The following GPR89B variants were observed in gnomAD, a reference collection of about 807,000 sequenced individuals.
GPR89B encodes golgi pH regulator B, also known as G protein-coupled receptor 89B.
A neutral mutation model predicts 52.4 loss-of-function variants in GPR89B; 25 were observed. The observed-to-expected ratio is 0.48, with a 90% CI of 0.35 to 0.67. The LOEUF is 0.67. Ranked by LOEUF, GPR89B falls within the 30% of genes least tolerant of loss-of-function variation. The pLI is 0.01. For synonymous variants in GPR89B, 52 were observed against 151.2 expected, an observed-to-expected ratio of 0.34 and a Z score of 4.81; for missense variants, 146 against 450.2, an observed-to-expected ratio of 0.32 and a Z score of 6.11.
At chr1:148,019,424 G>A in the GPR89B span, among the ~76,000 whole-genome samples, 1 of 151,710 alleles carries the variant, frequency 6.6e-6, no homozygotes, top group Non-Finnish European at 1.5e-5. Context: ...GCCTGTTGGA[G>A]GGTGGGGGTT....
At chr1:147,955,193 T>C (rs1334971026) in intron 7 of GPR89B, among the ~76,000 whole-genome samples, 1 of 151,844 alleles carries the variant, frequency 6.6e-6, no homozygotes, top group African/African-American at 2.4e-5. Context: ...TTTGCTAGCA[T>C]AGTGCTCTCC....
the GPR89B span, among the ~76,000 whole-genome samples, chr1:148,008,791 G>C: frequency 2.0e-5 from 3 of 152,152 alleles, no homozygotes; most frequent in Non-Finnish European, 4.4e-5. Flanking sequence ...AGCTGCAGCT[G>C]AGGATACTAT....
intron 5 of GPR89B, among the ~76,000 whole-genome samples, chr1:147,946,547 GAC>G (rs1385750679): frequency 6.6e-6 from 1 of 152,092 alleles, no homozygotes; most frequent in African/African-American, 2.4e-5. Flanking sequence ...CCCACAGACA[GAC>G]ACATTTATCT....
the GPR89B span, chr1:148,014,640 C>T: frequency 6.6e-6 from 1 of 152,036 alleles, no homozygotes; most frequent in South Asian, 2.1e-4. Context: ...TCACCACCTT[C>T]TCCTCTGCTC....
At chr1:147,936,933 C>T (rs1324689956) in intron 2 of GPR89B, among the ~76,000 whole-genome samples, 4 of 151,924 alleles carry the variant, frequency 2.6e-5, no homozygotes, top group Non-Finnish European at 4.4e-5. Context: ...AGGATATGTA[C>T]CAATAGCAAA....
intron 10 of GPR89B, among the ~76,000 whole-genome samples, chr1:147,970,191 A>G (rs1657310945): frequency 6.6e-6 from 1 of 151,918 alleles, no homozygotes; most frequent in African/African-American, 2.4e-5. Context: ...ATAAGGCCTT[A>G]GTTTATGAAA....
chr1:147,962,082 G>A (rs1223162448), intron 7 of GPR89B, among the ~76,000 whole-genome samples: 1 of 151,908 alleles, frequency 6.6e-6, no homozygotes, highest in African/African-American at 2.4e-5. Context: ...AATCAAGACT[G>A]TGGTACTGGT....
At chr1:147,957,996 G>A (rs1220191042) in intron 7 of GPR89B, among the ~76,000 whole-genome samples, 20 of 151,562 alleles carry the variant, frequency 1.3e-4, no homozygotes, top group East Asian at 1.9e-4. Flanking sequence ...CCCAGGAGGC[G>A]GAGCTTGCGG....
At chr1:147,951,001 T>G (rs1309258910) in intron 5 of GPR89B, among the ~76,000 whole-genome samples, 1 of 151,540 alleles carries the variant, frequency 6.6e-6, no homozygotes, top group Non-Finnish European at 1.5e-5. Flanking sequence ...TAAAATAATT[T>G]TAAACAAAAA....
the GPR89B span, among the ~76,000 whole-genome samples, chr1:147,999,875 C>T: frequency 6.6e-6 from 1 of 152,188 alleles, no homozygotes; most frequent in Non-Finnish European, 1.5e-5. Context: ...ACTGTAGCTA[C>T]TACCCCTCTC....
At chr1:147,998,880 CAAAAAAAAA>C in the GPR89B span, among the ~76,000 whole-genome samples, 1 of 77,734 alleles carries the variant, frequency 1.3e-5, no homozygotes, top group African/African-American at 4.6e-5. Flanking sequence ...GACTCTGTCT[CAAAAAAAAA>C]AAAAAAAAAA....
intron 5 of GPR89B, among the ~76,000 whole-genome samples, chr1:147,945,416 A>C (rs1455202995): frequency 1.3e-5 from 2 of 151,970 alleles, no homozygotes; most frequent in African/African-American, 4.8e-5. Flanking sequence ...TACCTCCCAC[A>C]CACCCTTCCA....
chr1:147,930,672 C>G (rs1282079236), intron 1 of GPR89B, among the ~76,000 whole-genome samples: 58 of 152,114 alleles, frequency 3.8e-4, no homozygotes, highest in African/African-American at 1.2e-3. Context: ...GAAATGAAAT[C>G]TGAAATCAGA....
At chr1:147,929,599 AAC>A (rs1553246730) in intron 1 of GPR89B, among the ~76,000 whole-genome samples, 1 of 152,202 alleles carries the variant, frequency 6.6e-6, no homozygotes, top group Non-Finnish European at 1.5e-5. Flanking sequence ...AAATAACAGA[AAC>A]AGTTACCTTT....
intron 7 of GPR89B, among the ~76,000 whole-genome samples, chr1:147,964,270 C>T (rs1381276860): frequency 8.6e-5 from 13 of 151,926 alleles, no homozygotes; most frequent in Non-Finnish European, 1.5e-4. Flanking sequence ...TGGCTGACTT[C>T]CTACTAGAAA....
At chr1:147,937,784 AAC>A (rs1553248212) in intron 2 of GPR89B, among the ~76,000 whole-genome samples, 4 of 152,200 alleles carry the variant, frequency 2.6e-5, no homozygotes. Flanking sequence ...ATATTGTTCA[AAC>A]ACACATGTTT....
At chr1:147,938,215 A>G (rs1409426976) in intron 2 of GPR89B, among the ~76,000 whole-genome samples, 1 of 152,158 alleles carries the variant, frequency 6.6e-6, no homozygotes, top group African/African-American at 2.4e-5. Context: ...ATCAGTTGTT[A>G]TAGTCTACAT....
At chr1:147,948,210 A>G (rs1212283094) in intron 5 of GPR89B, among the ~76,000 whole-genome samples, 2 of 152,108 alleles carry the variant, frequency 1.3e-5, no homozygotes, top group African/African-American at 4.8e-5. Context: ...TGAGATTTAA[A>G]GGACAAGACC....
In GPR89B at chr1:147,936,678, G is replaced by C; in HGVS notation, c.94G>C (p.Asp32His). 1 of 1,609,148 alleles carries C rather than the reference G, an allele frequency of 6.2e-7. No individual in the cohort carries two copies. Among genetic ancestry groups the C allele is most frequent in the Non-Finnish European group, 8.5e-7 (1 of 1,176,558 alleles). ...TTTCTTCATGCGCCAATTGTTTAAA[G>C]ACTATGAGGTGAGAAGAAATCATTT... ...WLFFMRQLFK[D>H]YEIRQYVVQV... Residue 32 changes from aspartate to histidine, a missense_variant, in exon 2 of 14, where the codon GAC (aspartate) becomes CAC (histidine). Asp to His is a moderately conservative substitution (Grantham distance 81, BLOSUM62 -1). Transcript: ENST00000314163.
Sources: gnomAD v4.1 joint callset for allele counts (sites outside exome capture counted in the v4.1 genomes callset) on GRCh38, gnomAD v4.1.1 for gene constraint, MANE v1.5 for transcripts, NCBI Gene and HGNC (gene_info 2026-07-23, HGNC 2026-07-21) for gene names.